Variants in DET1 observed in about 807,000 individuals in gnomAD.
The protein encoded by DET1 is DET1 partner of COP1 E3 ubiquitin ligase, also known as DET1 homolog.
In DET1, 22 loss-of-function variants were observed where a neutral mutation model predicts 43.7. The observed-to-expected ratio is 0.50, with a 90% CI of 0.36 to 0.72. The LOEUF (loss-of-function observed/expected upper bound fraction) is 0.72. Ranked by LOEUF, DET1 falls within the 30% of genes least tolerant of loss-of-function variation. DET1 has a pLI of 0.00. For missense variants in DET1, 713 were observed against 713.3 expected (o/e 1.00, Z 0.00); for synonymous variants, 315 against 266.2 (o/e 1.18, Z -1.79).
In DET1 at chr15:88,531,450, C is replaced by T. The variant is rs1349547721; in HGVS notation, c.256G>A (p.Glu86Lys). ...TCTGCTGCCTGGCAGCCCTGGTACT[C>T]ATAGATTTCAAGAGATGTCTGGTCT... is the stretch of plus-strand genomic sequence containing the variant. Reference protein sequence around the residue: ...SSDQTSLEIYEYQGCQAAEDL... With the variant: ...SSDQTSLEIYKYQGCQAAEDL... The change falls in exon 2 of 5, where the codon GAG becomes AAG. Residue 86 changes from glutamate to lysine, a missense_variant. Physicochemically the swap from Glu to Lys is moderately conservative, Grantham distance 56. Transcript: ENST00000268148. The surrounding 1 kb of genome is among the most constrained non-coding windows in gnomAD (Gnocchi z 6.2). The T allele has an allele frequency of 1.9e-6, 3 of 1,614,014 alleles. No individual in the cohort carries two copies. Among genetic ancestry groups the T allele is most frequent in the African/African-American group, 1.3e-5 (1 of 75,032 alleles).
intron 3 of DET1, among the ~76,000 whole-genome samples, chr15:88,526,189 T>C (rs893373241): frequency 3.3e-5 from 5 of 152,258 alleles, no homozygotes; most frequent in African/African-American, 1.2e-4. Context: ...AATTGAGTAC[T>C]ATCTTTTTAT....
chr15:88,507,314 A>G (rs563835235), intron 7 of DET1, among the ~76,000 whole-genome samples: 2 of 152,224 alleles, frequency 1.3e-5, no homozygotes, highest in Non-Finnish European at 2.9e-5. Flanking sequence ...TAGGCATTTC[A>G]AAACTAGCAT....
chr15:88,538,527 C>T (rs1043216795), intron 1 of DET1, among the ~76,000 whole-genome samples: 2 of 152,002 alleles, frequency 1.3e-5, no homozygotes, highest in Admixed American at 6.5e-5. Flanking sequence ...TAATCAAGCC[C>T]CTTCCTCAGG....
downstream of DET1, chr15:88,511,636 T>A: frequency 1.0e-6 from 1 of 981,746 alleles, no homozygotes; most frequent in Non-Finnish European, 1.2e-6. Context: ...TAATAATCTG[T>A]CTATTTCTCT....
At chr15:88,539,166 T>G (rs1401868182) in intron 1 of DET1, among the ~76,000 whole-genome samples, 1 of 151,456 alleles carries the variant, frequency 6.6e-6, no homozygotes, top group East Asian at 1.9e-4. Context: ...AAAAAAAAAC[T>G]GTTATAAACT....
Position 88,504,872 on chromosome 15 carries a change from C to T in DET1, c.*2066-885G>A, listed in dbSNP as rs1210012986. 6.6e-6 allele frequency: 1 copy of T among 152,184 alleles called. No homozygotes were observed. The highest frequency in any genetic ancestry group is 2.4e-5 in the African/African-American group (1 of 41,440). The allele number at this position is 152,184 out of a possible 1,614,324, so 9.4% of individuals were successfully genotyped here. ...CTGTTCCCTCTGCCTCCTGACCAATCCAGGTGCTTACCCATGGCCCTGCAT... is the reference window on the plus strand; with the variant it reads ...CTGTTCCCTCTGCCTCCTGACCAATTCAGGTGCTTACCCATGGCCCTGCAT... On this transcript the variant is annotated intron_variant and NMD_transcript_variant, in intron 7 of 8. Transcript: ENST00000557842. This position sits in a 1 kb window ranked among gnomAD's most constrained non-coding sequence, Gnocchi z 4.7.
rs761440941 is a variant in DET1 at position 88,530,833 on chromosome 15, G to T, written c.873C>A (p.Phe291Leu). 2 of 1,613,954 alleles carry T rather than the reference G, an allele frequency of 1.2e-6. No individual in the cohort carries two copies. The highest frequency in any genetic ancestry group is 1.1e-5 in the South Asian group (1 of 91,076). The change falls in exon 2 of 5, where the codon TTC becomes TTA. Residue 291 changes from phenylalanine (F) to leucine (L), a missense_variant. Phe to Leu is a conservative substitution (Grantham distance 22). Coordinates refer to ENST00000268148, the MANE Select transcript of DET1 (RefSeq NM_001144074.3). ...TGMANPFRDP[F>L]INSLKHRLLV... ...GCAACCGGTGTTTGAGGGAATTGAT[G>T]AAAGGATCCCTAAAGGGATTGGCCA... is the stretch of plus-strand genomic sequence containing the variant.
intron 3 of DET1, among the ~76,000 whole-genome samples, chr15:88,517,695 G>A (rs2056383477): frequency 6.6e-6 from 1 of 152,186 alleles, no homozygotes; most frequent in African/African-American, 2.4e-5. Flanking sequence ...GAGTTACAGA[G>A]AACCCTGAAC....
At chr15:88,523,013 G>A (rs1294482794) in intron 3 of DET1, among the ~76,000 whole-genome samples, 3 of 151,474 alleles carry the variant, frequency 2.0e-5, no homozygotes, top group Non-Finnish European at 4.4e-5. Flanking sequence ...CCTCCAAGTA[G>A]CTGAGCCGAC....
At position 88,520,687 on chromosome 15, in the gene DET1, G is replaced by A. The variant is rs374272409; in HGVS notation, c.1272-3714C>T. Among the ~76,000 whole-genome samples the A allele has an allele frequency of 7.1e-4, 108 of 152,292 alleles. No individual in the cohort carries two copies. The South Asian group carries it at 0.02, about 29-fold the overall frequency. ...CCATTAATCAATTGGGCTCTAACCT[G>A]CAAAATACATTGAAAATATAATTAC... On this transcript the variant is annotated intron_variant, in intron 3 of 4. Coordinates refer to ENST00000268148, the MANE Select transcript of DET1 (RefSeq NM_001144074.3).
Position 88,504,191 on chromosome 15 carries a change from GA to G in DET1, c.*2066-205del, listed in dbSNP as rs1438140237. 6 of 150,856 alleles carry G rather than the reference GA, an allele frequency of 4.0e-5. No homozygotes were observed. The highest frequency in any genetic ancestry group is 1.3e-4 in the Admixed American group (2 of 15,220). The allele number at this position is 150,856 out of a possible 1,614,324, so 9.3% of individuals were successfully genotyped here. A position where few individuals can be genotyped will look rare whatever the true frequency, so the allele number is the denominator to read the frequency against. On this transcript the variant is annotated intron_variant and NMD_transcript_variant, in intron 7 of 8. Coordinates refer to the DET1 transcript ENST00000557842. The surrounding 1 kb of genome is among the most constrained non-coding windows in gnomAD (Gnocchi z 4.7). Reference sequence around the variant, plus strand: ...CAGGAAGCCTCAGTTCCTCAGCAAGGAGATCTCTCCAGGAGCTTGCCTGTGT... The same window carrying G: ...CAGGAAGCCTCAGTTCCTCAGCAAGGGATCTCTCCAGGAGCTTGCCTGTGT...
rs2056984622 is a variant in DET1, at chr15:88,537,537, A to G, written c.-10-5822T>C. On this transcript the variant is annotated intron_variant, in intron 1 of 4. Coordinates refer to ENST00000268148, the MANE Select transcript of DET1 (RefSeq NM_001144074.3). ...GTTTTTGTAAATGAAATTTCACTGGAACCCTCCCATACCCAGTCATTTACA... is the reference window on the plus strand; with the variant it reads ...GTTTTTGTAAATGAAATTTCACTGGGACCCTCCCATACCCAGTCATTTACA... Among the ~76,000 whole-genome samples the G allele has an allele frequency of 2.0e-5, 3 of 152,190 alleles. No homozygotes were observed. In the South Asian group the frequency reaches 6.2e-4, roughly 31 times the overall value.
At chr15:88,524,365 C>CA (rs1268780857) in intron 3 of DET1, among the ~76,000 whole-genome samples, 1 of 151,916 alleles carries the variant, frequency 6.6e-6, no homozygotes, top group Admixed American at 6.5e-5. Context: ...GCCTGGCCAC[C>CA]GCCCCGTCCG....
chr15:88,511,232 C>T (rs928405069), downstream of DET1, among the ~76,000 whole-genome samples: 2 of 152,126 alleles, frequency 1.3e-5, no homozygotes, highest in Non-Finnish European at 2.9e-5. Flanking sequence ...TGGCCTCTCC[C>T]TCTACTCTCT....
At chr15:88,520,258 C>G (rs186504412) in intron 3 of DET1, among the ~76,000 whole-genome samples, 127 of 152,250 alleles carry the variant, frequency 8.3e-4, no homozygotes, top group Middle Eastern at 6.8e-3. Context: ...AGCTAATGCA[C>G]CACTTTTCAG....
intron 3 of DET1, among the ~76,000 whole-genome samples, chr15:88,517,783 G>C (rs1415882707): frequency 1.3e-5 from 2 of 152,076 alleles, no homozygotes; most frequent in Non-Finnish European, 2.9e-5. Flanking sequence ...TTCTTTGTTT[G>C]TTTAAATAAA....
intron 1 of DET1, among the ~76,000 whole-genome samples, chr15:88,532,759 C>A (rs1439043672): frequency 1.3e-5 from 2 of 152,138 alleles, no homozygotes; most frequent in Non-Finnish European, 2.9e-5. Flanking sequence ...TGAAGTCAGA[C>A]CCTATCTTAC....
At chr15:88,535,842 G>GC (rs1567071684) in intron 1 of DET1, among the ~76,000 whole-genome samples, 144 of 152,002 alleles carry the variant, frequency 9.5e-4, no homozygotes, top group African/African-American at 3.3e-3. Flanking sequence ...GGAAGGGAGA[G>GC]AGGAAGGAAG....
chr15:88,535,774 G>GA (rs1032523260), intron 1 of DET1, among the ~76,000 whole-genome samples: 20 of 147,080 alleles, frequency 1.4e-4, no homozygotes, highest in Non-Finnish European at 2.7e-4. Context: ...AAAAAAGAAA[G>GA]AAAGAAAGGA....
Sources: gnomAD v4.1 joint callset for allele counts (sites outside exome capture counted in the v4.1 genomes callset) on GRCh38, gnomAD v4.1.1 for gene constraint, Gnocchi (gnomAD v3.1) non-coding constraint, MANE v1.5 for transcripts, NCBI Gene and HGNC (gene_info 2026-07-23, HGNC 2026-07-21) for gene names.